CFAP47: variants seen among roughly 807,000 people sequenced by gnomAD.
The protein encoded by CFAP47 is cilia- and flagella-associated protein 47.
A neutral mutation model predicts 148.1 loss-of-function variants in CFAP47; 29 were observed. That is an observed-to-expected ratio of 0.20 (90% CI 0.15 to 0.27). CFAP47 has a LOEUF of 0.27. Among genes scored for constraint, CFAP47 ranks in the 10% least tolerant of loss-of-function variants. The pLI is 1.00. For missense variants in CFAP47, 1,872 were observed against 1,697.5 expected (o/e 1.10, Z -1.81); for synonymous variants, 664 against 577.3 (o/e 1.15, Z -2.15).
chrX:36,130,132 C>G (rs1449612571), intron 33 of CFAP47, among the ~76,000 whole-genome samples: 2 of 111,092 alleles, frequency 1.8e-5, no homozygotes, highest in Admixed American at 1.9e-4. Context: ...AGTAAAGAGA[C>G]AACCCACAGA....
intron 33 of CFAP47, among the ~76,000 whole-genome samples, chrX:36,109,044 A>G (rs1938510996): frequency 9.0e-6 from 1 of 111,062 alleles, no homozygotes. Flanking sequence ...TAAAGTGAGA[A>G]CATGTCATAT....
chrX:36,037,839 C>T (rs1318822609), intron 24 of CFAP47, among the ~76,000 whole-genome samples: 1 of 111,605 alleles, frequency 9.0e-6, no homozygotes, highest in African/African-American at 3.3e-5. Flanking sequence ...ACCATTATTT[C>T]CCTATAGATT....
chrX:36,371,780 G>GTA (rs781921660), intron 62 of CFAP47, among the ~76,000 whole-genome samples: 1 of 51,348 alleles, frequency 1.9e-5, no homozygotes, highest in Non-Finnish European at 2.9e-5. Context: ...ACACACATGT[G>GTA]TATATATGTG....
chrX:36,371,147 A>C (rs1490605803), intron 62 of CFAP47, among the ~76,000 whole-genome samples: 2 of 111,850 alleles, frequency 1.8e-5, no homozygotes, highest in Admixed American at 1.9e-4. Flanking sequence ...ACTTTTGAGA[A>C]ATATAAAATC....
chrX:36,190,071 A>G lies in CFAP47; in HGVS notation c.6196A>G (p.Arg2066Gly). The change falls in exon 42 of 64, where the codon AGA becomes GGA. Residue 2066 changes from arginine (R) to glycine (G), a missense_variant. Transcript: ENST00000378653. ...LHTSIKSTFI[R>G]EFFCSMHTVH... ...GCTAGCAATTAAGTCCACTTTTATCAGAGAGTTCTTCTGCTCCATGCATAC... is the reference window on the plus strand; with the variant it reads ...GCTAGCAATTAAGTCCACTTTTATCGGAGAGTTCTTCTGCTCCATGCATAC... 3.4e-6 allele frequency: 1 copy of G among 298,049 alleles called. No individual in the cohort carries two copies. The highest frequency in any genetic ancestry group is 8.8e-4 in the Middle Eastern group (1 of 1,136). 24.6% of individuals were successfully genotyped at this position (298,049 alleles called of 1,213,427 possible).
chrX:36,170,121 C>T (rs1939548841), intron 39 of CFAP47, among the ~76,000 whole-genome samples: 1 of 111,412 alleles, frequency 9.0e-6, no homozygotes, highest in Admixed American at 9.5e-5. Flanking sequence ...ATGCAACAAA[C>T]TCCACTGATC....
chrX:36,272,321 T>A lies in CFAP47; in HGVS notation c.7445-8166T>A, dbSNP rs191818032. Among the ~76,000 whole-genome samples the A allele has an allele frequency of 1.5e-3, 169 of 109,763 alleles. 1 individual carries two copies. Among genetic ancestry groups the A allele is most frequent in the African/African-American group, 5.2e-3 (155 of 30,044 alleles). ...ATGATAGCAAAGGTCATGGCAACAG[T>A]TTTTTAGGATGCTCAGGGCATTTAG... On this transcript the variant is annotated intron_variant, in intron 49 of 63. Transcript: ENST00000378653.
chrX:35,949,137 T>C (rs915784078), intron 4 of CFAP47, among the ~76,000 whole-genome samples: 1 of 73,504 alleles, frequency 1.4e-5, no homozygotes, highest in Non-Finnish European at 2.3e-5. Context: ...AATGCATCTG[T>C]GGAGTGTGTG....
intron 46 of CFAP47, 70 bp from the exon 47 acceptor site, chrX:36,235,864 A>G (rs933156515): frequency 2.5e-6 from 1 of 403,087 alleles, no homozygotes; most frequent in South Asian, 5.9e-5. Flanking sequence ...GAAATTACCA[A>G]GAATTCATAT....
chrX:36,197,975 A>G (rs1939937176), intron 42 of CFAP47, among the ~76,000 whole-genome samples: 1 of 111,427 alleles, frequency 9.0e-6, no homozygotes, highest in Non-Finnish European at 1.9e-5. Flanking sequence ...TTAATTTTTA[A>G]TTTCTGTTTC....
At chrX:36,152,159 A>G (rs1318120086) in intron 37 of CFAP47, among the ~76,000 whole-genome samples, 1 of 111,071 alleles carries the variant, frequency 9.0e-6, no homozygotes, top group Non-Finnish European at 1.9e-5. Flanking sequence ...AATAAAAATT[A>G]TATATATTCA....
At position 36,331,212 on chromosome X, in the gene CFAP47, T is replaced by C. The variant is rs139288648; in HGVS notation, c.8443+11905T>C. On this transcript the variant is annotated intron_variant, in intron 57 of 63. Coordinates refer to ENST00000378653, the MANE Select transcript of CFAP47 (RefSeq NM_001304548.2). ...TACGTTCTCTCTCAATAGCATTTAA[T>C]ATAATTGATTTTTCTCTCCTTCTTG... Among the ~76,000 whole-genome samples, 32 of 111,905 alleles carry C rather than the reference T, an allele frequency of 2.9e-4. 1 individual carries two copies. The East Asian group carries it at 7.1e-3, about 25-fold the overall frequency.
chrX:35,957,253 T>TATGC (rs1362078744), intron 8 of CFAP47, among the ~76,000 whole-genome samples: 1 of 104,983 alleles, frequency 9.5e-6, no homozygotes, highest in Non-Finnish European at 1.9e-5. Flanking sequence ...TGAGAAAACC[T>TATGC]ATGCCTCATG....
chrX:36,066,709 G>A (rs1465736377), intron 27 of CFAP47, among the ~76,000 whole-genome samples: 2 of 111,774 alleles, frequency 1.8e-5, no homozygotes, highest in Non-Finnish European at 3.8e-5. Flanking sequence ...TGCTTTGAGT[G>A]AGCATCTAGG....
At chrX:36,034,874 A>G (rs781015295) in intron 23 of CFAP47, among the ~76,000 whole-genome samples, 39 of 111,228 alleles carry the variant, frequency 3.5e-4, no homozygotes, top group Non-Finnish European at 6.2e-4. Flanking sequence ...CTGCATTGTC[A>G]CAGGTTCTAG....
chrX:36,065,497 T>C (rs1274888918), intron 26 of CFAP47, 146 bp from the exon 27 acceptor site: 2 of 422,203 alleles, frequency 4.7e-6, no homozygotes, highest in Admixed American at 8.7e-5. Context: ...TAACATTGAG[T>C]AGATGGTTAA....
At chrX:36,054,891 G>A (rs1176565782) in intron 26 of CFAP47, among the ~76,000 whole-genome samples, 1 of 109,721 alleles carries the variant, frequency 9.1e-6, no homozygotes, top group Non-Finnish European at 1.9e-5. Flanking sequence ...TCCTGCCTCA[G>A]CTTCCCGAGT....
intron 45 of CFAP47, among the ~76,000 whole-genome samples, chrX:36,215,010 G>T (rs934667713): frequency 1.5e-4 from 17 of 111,531 alleles, no homozygotes; most frequent in African/African-American, 4.6e-4. Flanking sequence ...TTTATGAACT[G>T]TACATAATTG....
intron 8 of CFAP47, among the ~76,000 whole-genome samples, chrX:35,963,026 G>A (rs1033333117): frequency 6.5e-5 from 7 of 107,474 alleles, no homozygotes; most frequent in Admixed American, 1.0e-4. Flanking sequence ...TGTCATTTGC[G>A]AAACATGGAT....
Sources: allele counts gnomAD v4.1 joint callset (sites outside exome capture counted in the v4.1 genomes callset), GRCh38; gene constraint gnomAD v4.1.1; transcripts MANE v1.5; gene names NCBI Gene and HGNC (gene_info 2026-07-23, HGNC 2026-07-21).